ROBO2: variants seen among roughly 807,000 people sequenced by gnomAD.
The protein encoded by ROBO2 is roundabout homolog 2.
In ROBO2, 53 loss-of-function variants were observed where a neutral mutation model predicts 160.8. The ratio of observed to expected loss-of-function variants is 0.33; its 90% CI spans 0.26 to 0.41. ROBO2 has a LOEUF of 0.41. ROBO2 is among the 10% of genes least tolerant of loss of function. The pLI is 1.00. For missense variants in ROBO2, 1,577 were observed against 1,722.4 expected, an observed-to-expected ratio of 0.92 and a Z score of 1.49; for synonymous variants, 664 against 611.7, an observed-to-expected ratio of 1.09 and a Z score of -1.26.
intron 2 of ROBO2, among the ~76,000 whole-genome samples, chr3:77,222,811 T>G (rs1248336082): frequency 6.6e-6 from 1 of 152,220 alleles, no homozygotes; most frequent in Non-Finnish European, 1.5e-5. Context: ...GAAAATGTGG[T>G]CTACTCCTAA....
chr3:76,020,876 T>C (rs986115827), intron 2 of ROBO2, among the ~76,000 whole-genome samples: 5 of 151,856 alleles, frequency 3.3e-5, no homozygotes, highest in African/African-American at 1.2e-4. Flanking sequence ...TTTTCTTTTA[T>C]GTTTACTTAC....
intron 2 of ROBO2, among the ~76,000 whole-genome samples, chr3:76,367,045 G>A (rs922159069): frequency 1.3e-5 from 2 of 151,932 alleles, no homozygotes; most frequent in African/African-American, 4.8e-5. Context: ...AATTTTATAT[G>A]AATTTCATTT....
intron 2 of ROBO2, among the ~76,000 whole-genome samples, chr3:76,487,149 A>ATTT (rs66948422): frequency 2.0e-5 from 3 of 147,126 alleles, no homozygotes; most frequent in Non-Finnish European, 4.5e-5. Context: ...TTTTAATTTA[A>ATTT]TTTTTTTTTT....
At chr3:76,236,016 A>G (rs989388972) in intron 2 of ROBO2, among the ~76,000 whole-genome samples, 3 of 152,206 alleles carry the variant, frequency 2.0e-5, no homozygotes, top group Non-Finnish European at 4.4e-5. Flanking sequence ...CTTTAAGGAA[A>G]TGAACCTCAT....
At position 77,200,265 on chromosome 3, in the gene ROBO2, TTTTATATATATATATATATA is replaced by T. The variant is rs1315424284; in HGVS notation, c.388+101927_388+101946del. 5.6e-4 allele frequency among the ~76,000 whole-genome samples: 33 copies of T among 59,060 alleles called. No individual in the cohort carries two copies. The South Asian group carries it at 7.0e-3, about 13-fold the overall frequency. The allele number at this position is 59,060 out of a possible 152,430, so 38.7% of individuals were successfully genotyped here. ...GTGTATGTATATCCTAACTAACATA[TTTTATATATATATATATATA>T]TATATATATATATATATATATATAT... On this transcript the variant is annotated intron_variant, in intron 2 of 25. Transcript: ENST00000461745.
intron 2 of ROBO2, among the ~76,000 whole-genome samples, chr3:76,494,147 A>G (rs546917827): frequency 2.5e-4 from 38 of 152,304 alleles, no homozygotes; most frequent in East Asian, 1.4e-3. Flanking sequence ...GTATTCATCA[A>G]TGGAAAAGTA....
rs139953894 is a variant in ROBO2 at position 76,375,461 on chromosome 3, T to C, written c.109+437859T>C. ...ATAAACATTTATTGAGCACCTTCTA[T>C]ATATGAAGCCCTGAGGCAATTATAA... On this transcript the variant is annotated intron_variant, in intron 2 of 26. Coordinates refer to the ROBO2 transcript ENST00000487694. 5.6e-3 allele frequency among the ~76,000 whole-genome samples: 853 copies of C among 152,092 alleles called. 6 individuals carry two copies. The highest frequency in any genetic ancestry group is 0.019 in the African/African-American group (807 of 41,518).
At chr3:76,622,460 G>T (rs1207019447) in intron 2 of ROBO2, among the ~76,000 whole-genome samples, 2 of 152,034 alleles carry the variant, frequency 1.3e-5, no homozygotes, top group Admixed American at 6.6e-5. Flanking sequence ...GCAAGACCCT[G>T]TCTCAAAAAT....
At chr3:76,924,955 T>C (rs1409342671) in intron 2 of ROBO2, among the ~76,000 whole-genome samples, 1 of 152,176 alleles carries the variant, frequency 6.6e-6, no homozygotes, top group Non-Finnish European at 1.5e-5. Context: ...ACGCCTGTAA[T>C]CCCAGCACTT....
intron 2 of ROBO2, among the ~76,000 whole-genome samples, chr3:77,351,824 G>T (rs2068374942): frequency 6.6e-6 from 1 of 151,866 alleles, no homozygotes; most frequent in Non-Finnish European, 1.5e-5. Context: ...AAGAGTCGCA[G>T]GTTTTTTTGT....
At chr3:76,563,545 A>G (rs2084330253) in intron 2 of ROBO2, among the ~76,000 whole-genome samples, 1 of 152,176 alleles carries the variant, frequency 6.6e-6, no homozygotes, top group African/African-American at 2.4e-5. Flanking sequence ...ATATGGGAAA[A>G]TAATTAGTTT....
chr3:77,303,793 A>G (rs1196639421), intron 2 of ROBO2, among the ~76,000 whole-genome samples: 2 of 151,960 alleles, frequency 1.3e-5, no homozygotes, highest in Admixed American at 6.6e-5. Context: ...GAAATATTTT[A>G]TATACATATA....
At chr3:76,556,244 A>G (rs1291917272) in intron 2 of ROBO2, among the ~76,000 whole-genome samples, 3 of 152,230 alleles carry the variant, frequency 2.0e-5, no homozygotes, top group African/African-American at 7.2e-5. Flanking sequence ...ATATGTATTA[A>G]TGAAGAAATC....
intron 2 of ROBO2, among the ~76,000 whole-genome samples, chr3:76,585,007 G>A (rs982618739): frequency 1.3e-5 from 2 of 152,166 alleles, no homozygotes; most frequent in African/African-American, 4.8e-5. Context: ...CACCTTGTGA[G>A]AGCCCTTTCA....
intron 2 of ROBO2, among the ~76,000 whole-genome samples, chr3:77,455,294 G>A (rs867784258): frequency 7.2e-5 from 11 of 151,972 alleles, no homozygotes; most frequent in South Asian, 4.1e-4. Context: ...AATCATTTAC[G>A]AAAAACTTTT....
intron 2 of ROBO2, among the ~76,000 whole-genome samples, chr3:77,256,286 T>C (rs1293584405): frequency 6.6e-6 from 1 of 152,232 alleles, no homozygotes; most frequent in African/African-American, 2.4e-5. Flanking sequence ...AAAACATCAG[T>C]ACTTAAGTGT....
chr3:76,475,972 G>T (rs1334561191), intron 2 of ROBO2, among the ~76,000 whole-genome samples: 1 of 152,128 alleles, frequency 6.6e-6, no homozygotes, highest in Non-Finnish European at 1.5e-5. Flanking sequence ...GGCCAACATG[G>T]TGTAACCCCA....
chr3:77,050,849 A>C (rs1234812525), intron 1 of ROBO2, among the ~76,000 whole-genome samples: 1 of 150,694 alleles, frequency 6.6e-6, no homozygotes, highest in Admixed American at 6.6e-5. Flanking sequence ...TCTTTGCAAA[A>C]AAAAAGAAAA....
At chr3:76,010,240 G>A (rs945868499) in intron 2 of ROBO2, among the ~76,000 whole-genome samples, 1 of 152,310 alleles carries the variant, frequency 6.6e-6, no homozygotes, top group Middle Eastern at 3.4e-3. Flanking sequence ...ATTATGATAA[G>A]GACTCCTGGC....
Sources: allele counts gnomAD v4.1 joint callset (sites outside exome capture counted in the v4.1 genomes callset), GRCh38; gene constraint gnomAD v4.1.1; transcripts MANE v1.5; gene names NCBI Gene and HGNC (gene_info 2026-07-23, HGNC 2026-07-21).